Variants in TENM1 observed in about 807,000 individuals in gnomAD.
The protein encoded by TENM1 is teneurin transmembrane protein 1, also known as teneurin-1.
A neutral mutation model predicts 174.8 loss-of-function variants in TENM1; 35 were observed. The ratio of observed to expected loss-of-function variants is 0.20; its 90% confidence interval spans 0.15 to 0.27. TENM1 has a LOEUF of 0.27. TENM1 is among the 10% of genes least tolerant of loss of function. The pLI, the probability that TENM1 is intolerant of heterozygous loss-of-function variation, is 1.00. For synonymous variants in TENM1, 781 were observed against 798.7 expected (o/e 0.98, Z 0.37); for missense variants, 1,633 against 2,130.1 (o/e 0.77, Z 4.59).
the TENM1 span, among the ~76,000 whole-genome samples, chrX:125,048,252 T>C: frequency 6.3e-5 from 6 of 95,590 alleles, no homozygotes; most frequent in Non-Finnish European, 6.3e-5. Flanking sequence ...CATTTTTTTT[T>C]TTTTTTTTTT....
intron 27 of TENM1, among the ~76,000 whole-genome samples, chrX:124,399,551 G>A (rs2060376374): frequency 8.9e-6 from 1 of 112,274 alleles, no homozygotes; most frequent in African/African-American, 3.2e-5. Flanking sequence ...CAATTCATCT[G>A]TGTAACCATA....
chrX:124,839,673 T>C (rs867897687), intron 3 of TENM1, among the ~76,000 whole-genome samples: 2 of 111,926 alleles, frequency 1.8e-5, no homozygotes, highest in East Asian at 2.8e-4. Flanking sequence ...AAAGTTACTA[T>C]ATTAAGATGA....
At chrX:124,505,401 G>A (rs1442638681) in intron 18 of TENM1, among the ~76,000 whole-genome samples, 2 of 111,854 alleles carry the variant, frequency 1.8e-5, no homozygotes, top group East Asian at 2.8e-4. Context: ...CTCTCAGAGG[G>A]GAAAGGGATC....
intron 3 of TENM1, among the ~76,000 whole-genome samples, chrX:124,841,727 T>C (rs1160398149): frequency 9.0e-6 from 1 of 111,188 alleles, no homozygotes; most frequent in African/African-American, 3.3e-5. Flanking sequence ...CACTATGTCT[T>C]TATCACCTCA....
At position 124,726,752 on chromosome X, in the gene TENM1, T is replaced by A. The variant is rs752230995; in HGVS notation, c.776+10205A>T. ...AAATGTTCTAGAAAAAAACTACTTA[T>A]AAATGTTAGGTATATTTTAGCAGTG... On this transcript the variant is annotated intron_variant, in intron 4 of 31. Transcript: ENST00000422452. Among the ~76,000 whole-genome samples, 722 of 112,391 alleles carry A rather than the reference T, an allele frequency of 6.4e-3. 3 individuals are homozygous for A. Among genetic ancestry groups the A allele is most frequent in the African/African-American group, 0.022 (681 of 30,940 alleles).
intron 1 of TENM1, among the ~76,000 whole-genome samples, chrX:124,950,078 G>A (rs924025608): frequency 2.7e-5 from 3 of 110,614 alleles, no homozygotes; most frequent in Non-Finnish European, 5.7e-5. Flanking sequence ...CATATGAGAG[G>A]GTTGCAGGGG....
chrX:125,036,542 C>T, the TENM1 span, among the ~76,000 whole-genome samples: 12 of 111,286 alleles, frequency 1.1e-4, no homozygotes, highest in African/African-American at 3.9e-4. Flanking sequence ...CATTGTAATA[C>T]CCACCAAAAC....
chrX:125,163,557 C>G, the TENM1 span, among the ~76,000 whole-genome samples: 5 of 111,159 alleles, frequency 4.5e-5, no homozygotes, highest in Non-Finnish European at 9.4e-5. Context: ...TCCATGAACT[C>G]TGCTTAATGT....
At chrX:125,044,529 G>A in the TENM1 span, among the ~76,000 whole-genome samples, 1 of 111,041 alleles carries the variant, frequency 9.0e-6, no homozygotes, top group Non-Finnish European at 1.9e-5. Context: ...GGTCAAGGCT[G>A]CAATGAGCTA....
chrX:124,558,257 A>G (rs900588156), intron 14 of TENM1, among the ~76,000 whole-genome samples: 1 of 111,645 alleles, frequency 9.0e-6, no homozygotes, highest in Non-Finnish European at 1.9e-5. Context: ...ACTAAAGTCA[A>G]AGCTTCAGGA....
intron 3 of TENM1, among the ~76,000 whole-genome samples, chrX:124,821,552 G>C (rs1045198647): frequency 2.7e-5 from 3 of 112,221 alleles, no homozygotes; most frequent in Non-Finnish European, 5.6e-5. Flanking sequence ...GTTTTCTTCT[G>C]GCAAATGACT....
At chrX:125,198,206 T>C in the TENM1 span, among the ~76,000 whole-genome samples, 9 of 112,108 alleles carry the variant, frequency 8.0e-5, no homozygotes, top group African/African-American at 1.9e-4. Context: ...AAATTTCAAA[T>C]AAATGTATTC....
intron 19 of TENM1, among the ~76,000 whole-genome samples, chrX:124,501,110 G>A (rs878877092): frequency 9.0e-6 from 1 of 111,529 alleles, no homozygotes; most frequent in Admixed American, 9.5e-5. Flanking sequence ...GGAAACCCTA[G>A]GGGATATGTT....
intron 1 of TENM1, among the ~76,000 whole-genome samples, chrX:124,917,839 A>C (rs2057952545): frequency 8.9e-6 from 1 of 111,921 alleles, no homozygotes; most frequent in Admixed American, 9.5e-5. Context: ...AACTTTATCA[A>C]ATGAAATAAA....
At chrX:124,550,564 C>A (rs1277225476) in intron 14 of TENM1, among the ~76,000 whole-genome samples, 1 of 104,948 alleles carries the variant, frequency 9.5e-6, no homozygotes, top group African/African-American at 3.5e-5. Context: ...GGGAAGTAAC[C>A]TGGGAGTCAT....
intron 11 of TENM1, among the ~76,000 whole-genome samples, chrX:124,578,548 C>G (rs1038368035): frequency 1.8e-5 from 2 of 111,611 alleles, no homozygotes; most frequent in Non-Finnish European, 3.8e-5. Flanking sequence ...GTACAAGGAA[C>G]AAATGAGTCA....
chrX:125,005,536 G>A, the TENM1 span, among the ~76,000 whole-genome samples: 1 of 109,051 alleles, frequency 9.2e-6, no homozygotes, highest in Non-Finnish European at 1.9e-5. Flanking sequence ...ACATGTTCAA[G>A]AAAACTTTCA....
chrX:125,041,630 A>G, the TENM1 span, among the ~76,000 whole-genome samples: 1 of 112,264 alleles, frequency 8.9e-6, no homozygotes, highest in African/African-American at 3.2e-5. Context: ...TAAAAAATGG[A>G]TCATTTAATC....
chrX:124,841,511 T>C (rs760917432), intron 3 of TENM1, among the ~76,000 whole-genome samples: 6 of 110,592 alleles, frequency 5.4e-5, no homozygotes, highest in Non-Finnish European at 9.5e-5. Context: ...ATTGCTTCTG[T>C]ACTATTCCTG....
Sources: allele counts gnomAD v4.1 joint callset (sites outside exome capture counted in the v4.1 genomes callset), GRCh38; gene constraint gnomAD v4.1.1; transcripts MANE v1.5; gene names NCBI Gene and HGNC (gene_info 2026-07-23, HGNC 2026-07-21).